NEB: variants seen among roughly 807,000 people sequenced by gnomAD.
The protein encoded by NEB is nemaline myopathy type 2.
A neutral mutation model predicts 952.2 loss-of-function variants in NEB; 512 were observed. That is an observed-to-expected ratio of 0.54 (90% confidence interval 0.50 to 0.58). The LOEUF is 0.58. NEB is among the 20% of genes least tolerant of loss of function. The pLI, the probability that NEB is intolerant of heterozygous loss-of-function variation, is 0.00. For missense variants in NEB, 8,428 were observed against 9,231.1 expected (o/e 0.91, Z 3.56); for synonymous variants, 2,900 against 3,149.8 (o/e 0.92, Z 2.66).
At chr2:151,642,903 C>T (rs1288728539) in intron 58 of NEB, 34 bp from the exon 59 acceptor site, 1 of 1,497,672 alleles carries the variant, frequency 6.7e-7, no homozygotes, top group Admixed American at 1.9e-5. Context: ...CTGGTATAGG[C>T]CAGTAATAAA....
intron 153 of NEB, among the ~76,000 whole-genome samples, chr2:151,520,434 ATAAGT>A (rs1362897585): frequency 1.3e-5 from 2 of 152,178 alleles, no homozygotes; most frequent in Non-Finnish European, 2.9e-5. Flanking sequence ...ATACATAAAA[ATAAGT>A]TTAGGTAGGC....
intron 161 of NEB, among the ~76,000 whole-genome samples, chr2:151,509,545 A>AT (rs1373600194): frequency 6.6e-6 from 1 of 152,124 alleles, no homozygotes; most frequent in Non-Finnish European, 1.5e-5. Flanking sequence ...CCCAGACCAA[A>AT]TTGAGGGTTG....
At position 151,674,484 on chromosome 2, in the gene NEB, G is replaced by A. The variant is rs1299068341; in HGVS notation, c.3980C>T (p.Ala1327Val). 6.2e-7 allele frequency: 1 copy of A among 1,613,212 alleles called. No homozygotes were observed. The part of the protein sequence containing the change: ...ITAAKASRNI[A>V]SDYKYKEAYE... ...CCTAAAATTTGTACTCACATCACTG[G>A]CAATGTTTCTCGATGCCTTGGCTGC... The change falls in exon 36 of 182, where the codon GCC (alanine) becomes GTC (valine). Residue 1327 changes from alanine to valine, a missense_variant. Transcript: ENST00000397345.
chr2:151,514,714 C>T lies in NEB; in HGVS notation c.23016+104G>A, dbSNP rs76123095. 0.072 allele frequency: 59,808 copies of T among 832,740 alleles called. 2,727 individuals carry two copies. Among genetic ancestry groups the T allele is most frequent in the Non-Finnish European group, 0.092 (49,385 of 538,216 alleles). 51.6% of individuals were successfully genotyped at this position (832,740 alleles called of 1,614,324 possible). A position where few individuals can be genotyped will look rare whatever the true frequency, so the allele number is the denominator to read the frequency against. ...AGCACATGAGAACCCAATTTGAAAC[C>T]CACAGTTAGGTGGTGATGTAAATGG... On this transcript the variant is annotated intron_variant, in intron 158 of 181. Transcript: ENST00000397345.
At chr2:151,714,208 A>G (rs537124764) in intron 10 of NEB, among the ~76,000 whole-genome samples, 1 of 152,272 alleles carries the variant, frequency 6.6e-6, no homozygotes, top group African/African-American at 2.4e-5. Flanking sequence ...GAAGAAAACA[A>G]TTCCCTCTGA....
chr2:151,526,682 ACT>A (rs1453103455), intron 148 of NEB, among the ~76,000 whole-genome samples: 4 of 151,996 alleles, frequency 2.6e-5, no homozygotes, highest in East Asian at 1.9e-4. Flanking sequence ...TGCTGTGTGA[ACT>A]CTCTGCTGGT....
intron 5 of NEB, among the ~76,000 whole-genome samples, chr2:151,727,128 A>G (rs2150890843): frequency 6.6e-6 from 1 of 152,070 alleles, no homozygotes; most frequent in East Asian, 1.9e-4. Context: ...GAGCATCATT[A>G]GTTTTAAAAT....
At chr2:151,714,146 C>A (rs143652962) in intron 10 of NEB, among the ~76,000 whole-genome samples, 1 of 152,276 alleles carries the variant, frequency 6.6e-6, no homozygotes, top group African/African-American at 2.4e-5. Flanking sequence ...TCCAACTCTC[C>A]CAAAGCACAG....
At chr2:151,567,862 T>A (rs1577910924) in intron 113 of NEB, among the ~76,000 whole-genome samples, 1 of 148,942 alleles carries the variant, frequency 6.7e-6, no homozygotes, top group African/African-American at 2.5e-5. Flanking sequence ...CCAAGGGGGG[T>A]GGTGGGCGGG....
At chr2:151,562,893 A>G (rs2096160408) in intron 119 of NEB, 85 bp from the exon 120 acceptor site, 3 of 832,238 alleles carry the variant, frequency 3.6e-6, no homozygotes, top group Non-Finnish European at 5.6e-6. Flanking sequence ...TATTTCCCAT[A>G]TAGATCAGTA....
At position 151,666,515 on chromosome 2, in the gene NEB, G is replaced by A. The variant is rs150799712; in HGVS notation, c.4720-114C>T. ...CTTCAGTCTGAATCTAGGTAACATC[G>A]AAGTTTTTTTTTGTATTTTAAAATA... On this transcript the variant is annotated intron_variant, in intron 40 of 181. Coordinates refer to ENST00000397345, the MANE Select transcript of NEB (RefSeq NM_001164508.2). 4,888 of 1,045,188 alleles carry A rather than the reference G, an allele frequency of 4.7e-3. 49 individuals are homozygous for A. Among genetic ancestry groups the A allele is most frequent in the Middle Eastern group, 0.024 (93 of 3,874 alleles). The allele number at this position is 1,045,188 out of a possible 1,614,324, so 64.7% of individuals were successfully genotyped here.
chr2:151,497,999 T>G (rs369514902), intron 170 of NEB: 12 of 1,434,958 alleles, frequency 8.4e-6, no homozygotes, highest in East Asian at 5.0e-5. Flanking sequence ...ACATGAGGAT[T>G]TGAGACTGTT....
intron 8 of NEB, among the ~76,000 whole-genome samples, chr2:151,723,750 GTTT>G (rs11308757): frequency 9.7e-5 from 5 of 51,376 alleles, no homozygotes; most frequent in African/African-American, 3.6e-4. Context: ...TGCCTTCTTT[GTTT>G]TTTTTTTTTT....
At position 151,549,664 on chromosome 2, in the gene NEB, A is replaced by G; in HGVS notation, c.20021T>C (p.Ile6674Thr). 6.2e-7 allele frequency: 1 copy of G among 1,600,870 alleles called. No individual in the cohort carries two copies. Among genetic ancestry groups the G allele is most frequent in the Non-Finnish European group, 8.5e-7 (1 of 1,173,190 alleles). The change falls in exon 130 of 182, where the codon ATC (isoleucine) becomes ACC (threonine). Residue 6674 changes from isoleucine to threonine, a missense_variant. By Grantham distance (89) the Ile-to-Thr change is moderately conservative. Around this residue, in one of 11 missense-constraint regions of NEB, gnomAD observed 3,374 missense variants for 3,651.5 expected, o/e 0.92. Transcript: ENST00000397345. ...ACTGCTCATGTAACGGGTGTCCTTGATGTGTTTGAAGTGAGGAGTGTCACC... is the reference window on the plus strand; with the variant it reads ...ACTGCTCATGTAACGGGTGTCCTTGGTGTGTTTGAAGTGAGGAGTGTCACC... Reference protein sequence around the residue: ...LPGDTPHFKHIKDTRYMSSYF... With the variant: ...LPGDTPHFKHTKDTRYMSSYF...
intron 24 of NEB, chr2:151,689,563 C>T (rs1202550056): frequency 2.0e-5 from 3 of 152,024 alleles, no homozygotes; most frequent in African/African-American, 7.3e-5. Context: ...TAAAAGGTGA[C>T]GTTAGGTGTA....
intron 3 of NEB, among the ~76,000 whole-genome samples, chr2:151,731,381 T>C (rs2099808148): frequency 6.6e-6 from 1 of 152,222 alleles, no homozygotes. Context: ...AGTAAAACTT[T>C]ATTTCAGATG....
chr2:151,732,938 T>A (rs1361335868), intron 3 of NEB, among the ~76,000 whole-genome samples, 183 bp downstream of exon 3: 1 of 152,220 alleles, frequency 6.6e-6, no homozygotes, highest in Non-Finnish European at 1.5e-5. Flanking sequence ...TTCCTGTCAA[T>A]TCTAAATCCC....
chr2:151,559,092 A>G (rs1297798602), intron 124 of NEB, among the ~76,000 whole-genome samples: 2 of 135,498 alleles, frequency 1.5e-5, no homozygotes, highest in African/African-American at 5.5e-5. Flanking sequence ...ACAAATTTAC[A>G]AGAAAAAAAC....
chr2:151,613,343 G>C (rs955994222), intron 77 of NEB, among the ~76,000 whole-genome samples: 2 of 152,136 alleles, frequency 1.3e-5, no homozygotes, highest in African/African-American at 4.8e-5. Flanking sequence ...CTTCCTATAA[G>C]TTAAATAGAC....
Sources: allele counts gnomAD v4.1 joint callset (sites outside exome capture counted in the v4.1 genomes callset), GRCh38; gene constraint gnomAD v4.1.1; regional missense constraint gnomAD v4.1.1; transcripts MANE v1.5; gene names NCBI Gene and HGNC (gene_info 2026-07-23, HGNC 2026-07-21).